CEP128: variants seen among roughly 807,000 people sequenced by gnomAD.
The protein encoded by CEP128 is centrosomal protein 128.
Under a neutral mutation model 156.7 loss-of-function variants are expected in CEP128, and 132 were observed. The ratio of observed to expected loss-of-function variants is 0.84; its 90% confidence interval spans 0.73 to 0.97. CEP128 has a LOEUF of 0.97. Ranked by LOEUF, CEP128 falls within the 50% of genes least tolerant of loss-of-function variation. The pLI, the probability that CEP128 is intolerant of heterozygous loss-of-function variation, is 0.00. For synonymous variants in CEP128, 469 were observed against 448.9 expected, an observed-to-expected ratio of 1.04 and a Z score of -0.57; for missense variants, 1,252 against 1,281.9, an observed-to-expected ratio of 0.98 and a Z score of 0.36.
intron 19 of CEP128, among the ~76,000 whole-genome samples, chr14:80,671,006 T>A (rs933760087): frequency 6.6e-6 from 1 of 151,280 alleles, no homozygotes; most frequent in African/African-American, 2.4e-5. Context: ...TTGTTTTTCT[T>A]TCTTTCTTTT....
chr14:80,520,632 C>T (rs1252701265), intron 23 of CEP128, among the ~76,000 whole-genome samples: 1 of 151,824 alleles, frequency 6.6e-6, no homozygotes, highest in Non-Finnish European at 1.5e-5. Context: ...TTTTTACTTA[C>T]TTCAGACTTG....
chr14:80,722,378 T>A lies in CEP128; in HGVS notation c.2806+20697A>T, dbSNP rs191612749. ...GACTCCAGAGACTGGCTAAATATTGTGAGACCCCATTCTAAAAATGCAATC... is the reference window on the plus strand; with the variant it reads ...GACTCCAGAGACTGGCTAAATATTGAGAGACCCCATTCTAAAAATGCAATC... On this transcript the variant is annotated intron_variant, in intron 19 of 24. Coordinates refer to ENST00000555265, the MANE Select transcript of CEP128 (RefSeq NM_152446.5). Among the ~76,000 whole-genome samples, 299 of 152,276 alleles carry A rather than the reference T, an allele frequency of 2.0e-3. 1 individual carries two copies. Among genetic ancestry groups the A allele is most frequent in the African/African-American group, 6.9e-3 (285 of 41,564 alleles).
intron 19 of CEP128, among the ~76,000 whole-genome samples, chr14:80,589,674 G>A (rs1790981790): frequency 6.6e-6 from 1 of 152,108 alleles, no homozygotes; most frequent in African/African-American, 2.4e-5. Flanking sequence ...GTGTAATTAT[G>A]TAGACCAACC....
intron 21 of CEP128, among the ~76,000 whole-genome samples, chr14:80,542,661 G>C (rs1432238179): frequency 1.3e-5 from 2 of 152,052 alleles, no homozygotes; most frequent in African/African-American, 4.8e-5. Context: ...GGCCCTGCTG[G>C]ACAATGATGG....
intron 2 of CEP128, among the ~76,000 whole-genome samples, chr14:80,930,822 C>T (rs1885418343): frequency 6.6e-6 from 1 of 152,222 alleles, no homozygotes; most frequent in Admixed American, 6.5e-5. Flanking sequence ...TTCTCAGTGG[C>T]TAACCACATT....
chr14:80,541,203 C>T (rs1198430576), intron 21 of CEP128, among the ~76,000 whole-genome samples: 2 of 152,084 alleles, frequency 1.3e-5, no homozygotes, highest in Admixed American at 1.3e-4. Context: ...TCTCTAATAA[C>T]CTTTTTGGCA....
At chr14:80,619,868 T>C (rs1217347461) in intron 19 of CEP128, among the ~76,000 whole-genome samples, 2 of 152,096 alleles carry the variant, frequency 1.3e-5, no homozygotes, top group African/African-American at 4.8e-5. Context: ...CTCACGCCTG[T>C]AATCCCAGCA....
chr14:80,571,594 AAG>A (rs1891140922), intron 20 of CEP128, among the ~76,000 whole-genome samples: 1 of 152,212 alleles, frequency 6.6e-6, no homozygotes. Flanking sequence ...TAAAAAGTAT[AAG>A]AGGAGATGCT....
chr14:80,717,920 T>C (rs552802930), intron 19 of CEP128, among the ~76,000 whole-genome samples: 17 of 152,320 alleles, frequency 1.1e-4, no homozygotes, highest in Non-Finnish European at 2.4e-4. Context: ...GCTCAATGGA[T>C]TCTCCCACTT....
intron 19 of CEP128, among the ~76,000 whole-genome samples, chr14:80,669,777 A>G (rs1895765747): frequency 6.6e-6 from 1 of 152,250 alleles, no homozygotes; most frequent in Non-Finnish European, 1.5e-5. Context: ...TAAGTATACC[A>G]TTTGATCCAG....
intron 14 of CEP128, among the ~76,000 whole-genome samples, chr14:80,482,730 C>A (rs1887081295): frequency 6.6e-6 from 1 of 152,270 alleles, no homozygotes; most frequent in South Asian, 2.1e-4. Context: ...ATGTGCCAAA[C>A]ATCACTTTAG....
chr14:80,523,632 T>G (rs1448593285), intron 23 of CEP128, among the ~76,000 whole-genome samples: 1 of 152,174 alleles, frequency 6.6e-6, no homozygotes, highest in African/African-American at 2.4e-5. Context: ...AAGGCAGATA[T>G]TTTTGTTTCA....
At chr14:80,890,443 G>A (rs1213984844) in intron 8 of CEP128, among the ~76,000 whole-genome samples, 1 of 152,144 alleles carries the variant, frequency 6.6e-6, no homozygotes, top group Non-Finnish European at 1.5e-5. Flanking sequence ...ATACTATCCA[G>A]TCATTTAAAA....
chr14:80,807,385 C>A (rs1343701813), intron 13 of CEP128, among the ~76,000 whole-genome samples: 2 of 152,136 alleles, frequency 1.3e-5, no homozygotes, highest in Non-Finnish European at 2.9e-5. Context: ...GAGACACAGA[C>A]ACCCGCTCTC....
chr14:80,768,067 G>T (rs1031578698), intron 16 of CEP128, among the ~76,000 whole-genome samples: 18 of 152,024 alleles, frequency 1.2e-4, no homozygotes, highest in African/African-American at 3.9e-4. Flanking sequence ...TCATTGACAA[G>T]CATTTTTGAG....
chr14:80,959,335 A>T (rs1886895481), intron 1 of CEP128: 1 of 152,248 alleles, frequency 6.6e-6, no homozygotes, highest in Non-Finnish European at 1.5e-5. Context: ...TAAATGAAGC[A>T]AGAGAATAAA....
rs571601717 is a variant in CEP128, at chr14:80,728,051, C to T, written c.2806+15024G>A. On this transcript the variant is annotated intron_variant, in intron 19 of 24. Transcript: ENST00000555265. ...TATTCTACCAAAAGACACATGCATA[C>T]GTATGTTCACTGCAGCACTATTTAC... Among the ~76,000 whole-genome samples the T allele has an allele frequency of 1.4e-4, 22 of 152,218 alleles. No homozygotes were observed. In the East Asian group the frequency reaches 4.1e-3, roughly 28 times the overall value.
At chr14:80,515,321 C>T (rs891185752) in intron 23 of CEP128, among the ~76,000 whole-genome samples, 2 of 152,152 alleles carry the variant, frequency 1.3e-5, no homozygotes, top group African/African-American at 4.8e-5. Flanking sequence ...CCAGAAATGC[C>T]ATCCAGGAGC....
intron 8 of CEP128, among the ~76,000 whole-genome samples, chr14:80,872,775 A>C (rs1312818059): frequency 1.3e-5 from 2 of 152,230 alleles, no homozygotes. Flanking sequence ...CACAAATACA[A>C]CACAATACAT....
Sources: allele counts gnomAD v4.1 joint callset (sites outside exome capture counted in the v4.1 genomes callset), GRCh38; gene constraint gnomAD v4.1.1; transcripts MANE v1.5; gene names NCBI Gene and HGNC (gene_info 2026-07-23, HGNC 2026-07-21).